The following FNDC3B variants were observed in gnomAD, a reference collection of about 807,000 sequenced individuals.
FNDC3B encodes fibronectin type III domain-containing protein 3B.
FNDC3B carries 12 observed loss-of-function variants against 151.5 expected under a neutral mutation model. The ratio of observed to expected loss-of-function variants is 0.08; its 90% CI spans 0.05 to 0.13. The LOEUF is 0.13. FNDC3B is among the 10% of genes least tolerant of loss of function. The pLI is 1.00. For missense variants in FNDC3B, 1,214 were observed against 1,505.3 expected, an observed-to-expected ratio of 0.81 and a Z score of 3.20; for synonymous variants, 528 against 549.0, an observed-to-expected ratio of 0.96 and a Z score of 0.54.
chr3:172,155,781 G>T (rs554659060), intron 3 of FNDC3B, among the ~76,000 whole-genome samples: 1 of 152,310 alleles, frequency 6.6e-6, no homozygotes, highest in South Asian at 2.1e-4. Flanking sequence ...TTCCTTTAAA[G>T]AGGCTCTGAT....
intron 16 of FNDC3B, chr3:172,337,811 G>A (rs1450369776): frequency 2.0e-5 from 4 of 205,124 alleles, no homozygotes; most frequent in Non-Finnish European, 3.0e-5. Context: ...CAGAAGATGA[G>A]GAAGAATACA....
chr3:172,218,516 T>C (rs1182233906), intron 3 of FNDC3B, among the ~76,000 whole-genome samples: 2 of 152,208 alleles, frequency 1.3e-5, no homozygotes, highest in African/African-American at 4.8e-5. Context: ...CTGTGGTGAA[T>C]GATAACACTG....
intron 22 of FNDC3B, among the ~76,000 whole-genome samples, chr3:172,362,264 T>G (rs1294255623): frequency 6.6e-6 from 1 of 152,230 alleles, no homozygotes; most frequent in East Asian, 1.9e-4. Flanking sequence ...CCATTTCATT[T>G]ACTCTTGATA....
intron 3 of FNDC3B, among the ~76,000 whole-genome samples, chr3:172,213,637 A>T (rs1377493799): frequency 2.0e-5 from 3 of 152,080 alleles, no homozygotes; most frequent in African/African-American, 7.2e-5. Context: ...CCCCATTTTG[A>T]TGTAGTCTTG....
chr3:172,080,122 A>G lies in FNDC3B; in HGVS notation c.-28-32330A>G, dbSNP rs572068270. Among the ~76,000 whole-genome samples, 29 of 152,300 alleles carry G rather than the reference A, an allele frequency of 1.9e-4. No homozygotes were observed. The East Asian group carries it at 5.6e-3, about 29-fold the overall frequency. On this transcript the variant is annotated intron_variant, in intron 1 of 25. Transcript: ENST00000415807. ...TGAATTATAAAAAAAAAGGGGTACT[A>G]CCCAGTTTCATTAATTGCCTTGTAT...
At chr3:172,151,899 G>A (rs1722244048) in intron 3 of FNDC3B, among the ~76,000 whole-genome samples, 1 of 151,978 alleles carries the variant, frequency 6.6e-6, no homozygotes, top group Non-Finnish European at 1.5e-5. Context: ...ATGACGTTAT[G>A]TGAGGGCTTA....
intron 11 of FNDC3B, among the ~76,000 whole-genome samples, chr3:172,314,813 A>G (rs569875853): frequency 6.6e-6 from 1 of 152,348 alleles, no homozygotes; most frequent in Admixed American, 6.5e-5. Context: ...TCTGAAGTAC[A>G]AGGGCAGGTG....
chr3:172,370,985 G>A (rs554821383), intron 23 of FNDC3B, among the ~76,000 whole-genome samples: 1 of 152,186 alleles, frequency 6.6e-6, no homozygotes, highest in Non-Finnish European at 1.5e-5. Context: ...TTTACGTTAG[G>A]GTTTACTCTT....
intron 3 of FNDC3B, among the ~76,000 whole-genome samples, chr3:172,178,806 G>C (rs1339833747): frequency 6.6e-6 from 1 of 152,158 alleles, no homozygotes; most frequent in Non-Finnish European, 1.5e-5. Context: ...TAGTTTATGG[G>C]TAAAAAGCCT....
At position 172,346,415 on chromosome 3, in the gene FNDC3B, A is replaced by C; in HGVS notation, c.2339A>C (p.Asp780Ala). ...CKAPCISCTP[D>A]GCVLVGWESP... is the part of the protein sequence containing the mutation. Reference sequence around the variant, plus strand: ...GCACCTTGTATTTCTTGTACACCTGATGGATGTGTCTTAGTGGGTTGGGAG... The same window carrying C: ...GCACCTTGTATTTCTTGTACACCTGCTGGATGTGTCTTAGTGGGTTGGGAG... Residue 780 changes from aspartate to alanine, a missense_variant, in exon 20 of 26, where the codon GAT becomes GCT. Physicochemically the swap from Asp to Ala is moderately radical, Grantham distance 126 (BLOSUM62 -2). Around this residue, in one of 7 missense-constraint regions of FNDC3B, gnomAD observed 380 missense variants for 420.9 expected, o/e 0.90. Transcript: ENST00000415807. 6.2e-7 allele frequency: 1 copy of C among 1,612,740 alleles called. No individual in the cohort carries two copies. Among genetic ancestry groups the C allele is most frequent in the African/African-American group, 1.3e-5 (1 of 75,002 alleles).
At chr3:172,354,408 T>C (rs946219757) in intron 22 of FNDC3B, among the ~76,000 whole-genome samples, 1 of 151,832 alleles carries the variant, frequency 6.6e-6, no homozygotes, top group African/African-American at 2.4e-5. Flanking sequence ...GTTCAATTAA[T>C]ATTTTTGCTT....
chr3:172,070,517 C>A (rs557805686), intron 1 of FNDC3B, among the ~76,000 whole-genome samples: 1 of 152,284 alleles, frequency 6.6e-6, no homozygotes, highest in East Asian at 1.9e-4. Context: ...ATCGTAAATC[C>A]TGCTGTCTGT....
intron 6 of FNDC3B, among the ~76,000 whole-genome samples, chr3:172,257,606 ACACG>A (rs1330369593): frequency 7.0e-6 from 1 of 142,708 alleles, no homozygotes; most frequent in Non-Finnish European, 1.5e-5. Flanking sequence ...ACACACACAC[ACACG>A]CACTCTGAAA....
At chr3:172,111,096 T>TAAC (rs1719937395) in intron 1 of FNDC3B, among the ~76,000 whole-genome samples, 1 of 104,780 alleles carries the variant, frequency 9.5e-6, no homozygotes, top group Admixed American at 1.0e-4. Flanking sequence ...GAGACTCCAT[T>TAAC]AAAAAAAAAA....
chr3:172,321,219 C>T (rs1732064914), intron 11 of FNDC3B, among the ~76,000 whole-genome samples: 1 of 152,074 alleles, frequency 6.6e-6, no homozygotes, highest in East Asian at 1.9e-4. Flanking sequence ...CTAAACTGTC[C>T]CCTAGAGACC....
chr3:172,347,150 C>T, intron 20 of FNDC3B, 62 bp from the exon 21 acceptor site: 3 of 1,438,570 alleles, frequency 2.1e-6, no homozygotes, highest in Non-Finnish European at 2.8e-6. Flanking sequence ...TAATTGAATA[C>T]AAGCACAGTA....
rs756157879 is a variant in FNDC3B at position 172,133,540 on chromosome 3, A to G, written c.181A>G (p.Ile61Val). ...IRAEDGTLQC[I>V]QGPAEVPMMS... ...AGCAGAGGATGGAACACTTCAGTGC[A>G]TTCAAGGTAAGGACATTTTTGGTAA... Residue 61 changes from isoleucine (I) to valine (V), a missense_variant, in exon 3 of 26, where the codon ATT becomes GTT. Physicochemically the swap from Ile to Val is conservative, Grantham distance 29. Coordinates refer to ENST00000415807, the MANE Select transcript of FNDC3B (RefSeq NM_022763.4). 8.7e-6 allele frequency: 14 copies of G among 1,607,148 alleles called. No individual in the cohort carries two copies.
chr3:172,299,907 G>A (rs1730821725), intron 9 of FNDC3B, among the ~76,000 whole-genome samples: 1 of 152,184 alleles, frequency 6.6e-6, no homozygotes, highest in Non-Finnish European at 1.5e-5. Flanking sequence ...AGGTAGTAAA[G>A]CAAGGATGTG....
rs758302805 is a variant in FNDC3B, at chr3:172,113,494, TTTATA to T, written c.111+909_111+913del. 4.9e-4 allele frequency among the ~76,000 whole-genome samples: 75 copies of T among 152,230 alleles called. 1 individual carries two copies. The highest frequency in any genetic ancestry group is 2.4e-3 in the Admixed American group (37 of 15,288). On this transcript the variant is annotated intron_variant, in intron 2 of 25. Transcript: ENST00000415807. ...TGGAGCTGACCTTGCTGCTTAATAA[TTTATA>T]TTATTTTCTCCTGCATTGTACTATC...
Sources: allele counts gnomAD v4.1 joint callset (sites outside exome capture counted in the v4.1 genomes callset), GRCh38; gene constraint gnomAD v4.1.1; regional missense constraint gnomAD v4.1.1; transcripts MANE v1.5; gene names NCBI Gene and HGNC (gene_info 2026-07-23, HGNC 2026-07-21).